The following MAGI2 variants were observed in gnomAD, a reference collection of about 807,000 sequenced individuals.
MAGI2 encodes membrane associated guanylate kinase, WW and PDZ domain containing 2, also known as membrane-associated guanylate kinase, WW and PDZ domain-containing protein 2.
In MAGI2, 35 loss-of-function variants were observed where a neutral mutation model predicts 133.3. The observed-to-expected ratio is 0.26, with a 90% CI of 0.20 to 0.35. The LOEUF is 0.35. Ranked by LOEUF, MAGI2 falls within the 10% of genes least tolerant of loss-of-function variation. The probability of loss-of-function intolerance (pLI) is 1.00; values close to 1 mark genes in which losing one functional copy is unlikely to be tolerated. For synonymous variants in MAGI2, 729 were observed against 710.6 expected (o/e 1.03, Z -0.41); for missense variants, 1,636 against 1,863.4 (o/e 0.88, Z 2.25).
At chr7:78,133,085 G>T in intron 17 of MAGI2, 25 bp from the exon 18 acceptor site, 1 of 1,518,268 alleles carries the variant, frequency 6.6e-7, no homozygotes, top group Non-Finnish European at 8.8e-7. Context: ...CAAAGCGGCA[G>T]ATGCAGTCAG....
At chr7:78,264,168 C>T (rs985202930) in intron 9 of MAGI2, among the ~76,000 whole-genome samples, 2 of 152,104 alleles carry the variant, frequency 1.3e-5, no homozygotes, top group African/African-American at 4.8e-5. Flanking sequence ...TTACAAACTC[C>T]ATCTTACCTA....
At chr7:79,053,147 G>C (rs1812831110) in intron 1 of MAGI2, among the ~76,000 whole-genome samples, 1 of 151,954 alleles carries the variant, frequency 6.6e-6, no homozygotes, top group Non-Finnish European at 1.5e-5. Context: ...TAATTTTTTT[G>C]TATTTTTAGT....
chr7:79,008,353 A>G (rs1309243184), intron 1 of MAGI2, among the ~76,000 whole-genome samples: 1 of 152,190 alleles, frequency 6.6e-6, no homozygotes, highest in Non-Finnish European at 1.5e-5. Context: ...GCTTTGACAT[A>G]AACTGTAGCT....
At chr7:78,561,880 G>C (rs1254990822) in intron 3 of MAGI2, among the ~76,000 whole-genome samples, 1 of 152,290 alleles carries the variant, frequency 6.6e-6, no homozygotes, top group South Asian at 2.1e-4. Flanking sequence ...TTAGGAGGGA[G>C]AAAGCTATGG....
chr7:78,664,333 T>C (rs1390809004), intron 2 of MAGI2, among the ~76,000 whole-genome samples: 1 of 152,184 alleles, frequency 6.6e-6, no homozygotes, highest in Non-Finnish European at 1.5e-5. Context: ...TCCCTATTTC[T>C]TTTTTGTCTT....
chr7:78,163,241 C>T (rs944017722), intron 15 of MAGI2, among the ~76,000 whole-genome samples: 5 of 152,148 alleles, frequency 3.3e-5, no homozygotes, highest in Middle Eastern at 3.4e-3. Context: ...GAGTTCATGC[C>T]GTTCTCCTGT....
At chr7:78,688,732 A>G (rs370872603) in intron 2 of MAGI2, among the ~76,000 whole-genome samples, 4 of 152,222 alleles carry the variant, frequency 2.6e-5, no homozygotes, top group African/African-American at 9.6e-5. Flanking sequence ...CCTATCCCCA[A>G]CATGGCTAAG....
intron 1 of MAGI2, among the ~76,000 whole-genome samples, chr7:79,214,772 A>G (rs1829871892): frequency 7.1e-6 from 1 of 141,662 alleles, no homozygotes; most frequent in Non-Finnish European, 1.5e-5. Flanking sequence ...ATATAAATAG[A>G]TAATATAAAA....
chr7:79,391,536 TAGAC>T (rs1482810270), intron 1 of MAGI2, among the ~76,000 whole-genome samples: 7,831 of 53,752 alleles, frequency 0.15, 683 homozygotes, highest in African/African-American at 0.43. Context: ...TATATATATA[TAGAC>T]ATATATATAT....
intron 1 of MAGI2, among the ~76,000 whole-genome samples, chr7:79,449,353 A>AT (rs11439144): frequency 0.32 from 46,106 of 142,802 alleles, 8,068 homozygotes; most frequent in Non-Finnish European, 0.4. Flanking sequence ...AAGAATTAGA[A>AT]TTTTTTTTTT....
chr7:79,169,178 TC>T (rs1404751388), intron 1 of MAGI2, among the ~76,000 whole-genome samples: 1 of 152,008 alleles, frequency 6.6e-6, no homozygotes, highest in Non-Finnish European at 1.5e-5. Flanking sequence ...TTGCTTTTGC[TC>T]CTCCATAAAT....
At chr7:78,931,724 A>C (rs1185424293) in intron 2 of MAGI2, among the ~76,000 whole-genome samples, 1 of 152,134 alleles carries the variant, frequency 6.6e-6, no homozygotes, top group Non-Finnish European at 1.5e-5. Flanking sequence ...AAGCCAGAAG[A>C]ATTACTCCTA....
At chr7:78,855,168 C>A (rs896265880) in intron 2 of MAGI2, among the ~76,000 whole-genome samples, 1 of 152,104 alleles carries the variant, frequency 6.6e-6, no homozygotes, top group African/African-American at 2.4e-5. Context: ...AATAACAGCT[C>A]ACTGCGGCCT....
At chr7:78,414,741 C>T (rs1423408331) in intron 6 of MAGI2, among the ~76,000 whole-genome samples, 1 of 151,952 alleles carries the variant, frequency 6.6e-6, no homozygotes, top group African/African-American at 2.4e-5. Flanking sequence ...CAGACCCAGC[C>T]CTATGCCTCC....
chr7:79,331,589 T>C (rs1171856374), intron 1 of MAGI2, among the ~76,000 whole-genome samples: 1 of 152,142 alleles, frequency 6.6e-6, no homozygotes, highest in African/African-American at 2.4e-5. Flanking sequence ...TGCCTCAAAA[T>C]AGTCATAACC....
chr7:78,681,969 C>T (rs2151097026), intron 2 of MAGI2, among the ~76,000 whole-genome samples: 1 of 150,414 alleles, frequency 6.6e-6, no homozygotes, highest in African/African-American at 2.5e-5. Flanking sequence ...AGGGCAAAGA[C>T]AAAAATGCAA....
intron 1 of MAGI2, among the ~76,000 whole-genome samples, chr7:79,335,862 A>G (rs1840403431): frequency 6.6e-6 from 1 of 152,038 alleles, no homozygotes; most frequent in South Asian, 2.1e-4. Context: ...TAACACTTTT[A>G]CTTTCTCTTC....
chr7:78,783,745 A>G (rs529757946), intron 2 of MAGI2, among the ~76,000 whole-genome samples: 1 of 152,306 alleles, frequency 6.6e-6, no homozygotes, highest in South Asian at 2.1e-4. Context: ...TCCTGACCCC[A>G]GTTTGTAGAC....
At position 78,760,545 on chromosome 7, in the gene MAGI2, T is replaced by C. The variant is rs556416157; in HGVS notation, c.419-133306A>G. Among the ~76,000 whole-genome samples, 18 of 152,212 alleles carry C rather than the reference T, an allele frequency of 1.2e-4. No homozygotes were observed. The South Asian group carries it at 3.7e-3, about 32-fold the overall frequency. On this transcript the variant is annotated intron_variant, in intron 2 of 21. Coordinates refer to ENST00000354212, the MANE Select transcript of MAGI2 (RefSeq NM_012301.4). ...ACCTGGCTAATTTTTGTATTTTTAG[T>C]AGAGATGGGGTTCCTTCTCTATCTT...
Sources: allele counts gnomAD v4.1 joint callset (sites outside exome capture counted in the v4.1 genomes callset), GRCh38; gene constraint gnomAD v4.1.1; transcripts MANE v1.5; gene names NCBI Gene and HGNC (gene_info 2026-07-23, HGNC 2026-07-21).